The following ARHGEF10 variants were observed in gnomAD, a reference collection of about 807,000 sequenced individuals.
The protein encoded by ARHGEF10 is Rho guanine nucleotide exchange factor (GEF) 10.
A neutral mutation model predicts 147.4 loss-of-function variants in ARHGEF10; 140 were observed. The observed-to-expected ratio is 0.95, with a 90% CI of 0.83 to 1.09. ARHGEF10 has a LOEUF of 1.09. ARHGEF10 is among the 50% of genes least tolerant of loss of function. The probability of loss-of-function intolerance (pLI) is 0.00; values close to 1 mark genes in which losing one functional copy is unlikely to be tolerated. For missense variants in ARHGEF10, 2,222 were observed against 1,752.7 expected (o/e 1.27, Z -4.78); for synonymous variants, 902 against 695.8 (o/e 1.30, Z -4.67).
At chr8:1,924,117 C>G (rs753462816) in intron 21 of ARHGEF10, among the ~76,000 whole-genome samples, 1 of 152,224 alleles carries the variant, frequency 6.6e-6, no homozygotes, top group Admixed American at 6.5e-5. Flanking sequence ...GGTACCAGAA[C>G]ATGAATATCA....
rs796297716 is a variant in ARHGEF10, at chr8:1,858,195, ACCAGGTGAGTTC to A, written c.193+91_193+102del. 917 of 1,030,840 alleles carry A rather than the reference ACCAGGTGAGTTC, an allele frequency of 8.9e-4. 7 individuals carry two copies. Among genetic ancestry groups the A allele is most frequent in the African/African-American group, 2.9e-3 (103 of 36,022 alleles). 63.9% of individuals were successfully genotyped at this position (1,030,840 alleles called of 1,614,324 possible). On this transcript the variant is annotated intron_variant, in intron 3 of 28. Transcript: ENST00000349830. Reference sequence around the variant, plus strand: ...CCCCAGGTGGGTCCCCATGTGAGTCACCAGGTGAGTTCCCAGGTGAGTCCCCAGGTGAGTCCC... The same window carrying A: ...CCCCAGGTGGGTCCCCATGTGAGTCACCAGGTGAGTCCCCAGGTGAGTCCC...
chr8:1,853,383 C>G (rs756263704), intron 2 of ARHGEF10, among the ~76,000 whole-genome samples: 2 of 152,254 alleles, frequency 1.3e-5, no homozygotes, highest in Non-Finnish European at 2.9e-5. Flanking sequence ...GACGGCTACA[C>G]TGCAGATTCC....
chr8:1,933,678 C>A, intron 25 of ARHGEF10, 122 bp from the exon 26 acceptor site: 2 of 1,286,890 alleles, frequency 1.6e-6, no homozygotes, highest in Non-Finnish European at 2.2e-6. Flanking sequence ...GGATCAGGCA[C>A]AAGCATTAAC....
At chr8:1,930,059 T>C (rs1284993846) in intron 25 of ARHGEF10, among the ~76,000 whole-genome samples, 4 of 152,164 alleles carry the variant, frequency 2.6e-5, no homozygotes, top group Non-Finnish European at 4.4e-5. Flanking sequence ...CCGCCGCTGC[T>C]TGTGGGAGCT....
intron 11 of ARHGEF10, among the ~76,000 whole-genome samples, chr8:1,892,968 G>T (rs1809668343): frequency 6.6e-6 from 1 of 151,716 alleles, no homozygotes; most frequent in South Asian, 2.1e-4. Context: ...AATAACGTCA[G>T]GTTTTGATTG....
rs1291153185 is a variant in ARHGEF10 at position 1,893,664 on chromosome 8, T to C, written c.1260+18T>C. ...TTTTGGAGGTACTTAAGTGTCGTGT[T>C]ACATAATACATACATTTCTATTATT... On this transcript the variant is annotated intron_variant, in intron 12 of 28. Transcript: ENST00000349830. 8 of 1,482,754 alleles carry C rather than the reference T, an allele frequency of 5.4e-6. No homozygotes were observed. In the South Asian group the frequency reaches 7.9e-5, roughly 15 times the overall value. The allele number at this position is 1,482,754 out of a possible 1,614,324, so 91.8% of individuals were successfully genotyped here.
intron 1 of ARHGEF10, among the ~76,000 whole-genome samples, chr8:1,838,899 G>A (rs1470349362): frequency 2.0e-5 from 3 of 151,508 alleles, no homozygotes; most frequent in Admixed American, 1.3e-4. Context: ...AGTGGAAGGT[G>A]TTTGATGTGG....
intron 13 of ARHGEF10, among the ~76,000 whole-genome samples, chr8:1,895,414 A>G (rs1809889531): frequency 6.6e-6 from 1 of 152,208 alleles, no homozygotes; most frequent in Non-Finnish European, 1.5e-5. Flanking sequence ...AATACGTGAA[A>G]TGTTTTCCTA....
intron 17 of ARHGEF10, 127 bp from the exon 18 acceptor site, chr8:1,909,168 T>C (rs1241064176): frequency 3.7e-6 from 5 of 1,339,746 alleles, no homozygotes; most frequent in Non-Finnish European, 5.3e-6. Context: ...CAATTACTAT[T>C]GTGAGAAAGT....
chr8:1,894,171 CAA>C (rs536453124), intron 12 of ARHGEF10, among the ~76,000 whole-genome samples: 7 of 135,490 alleles, frequency 5.2e-5, no homozygotes, highest in Admixed American at 7.4e-5. Context: ...GAGACTGTCT[CAA>C]AAAAAAAAAA....
At chr8:1,929,933 A>G (rs1231198386) in intron 25 of ARHGEF10, among the ~76,000 whole-genome samples, 1 of 152,178 alleles carries the variant, frequency 6.6e-6, no homozygotes, top group East Asian at 1.9e-4. Flanking sequence ...TCCCTGGCCC[A>G]TCCCGCCTGG....
intron 18 of ARHGEF10, among the ~76,000 whole-genome samples, chr8:1,920,091 T>TGTGGGTGATGGAGCTGTTCC (rs1812158008): frequency 6.7e-6 from 1 of 149,362 alleles, no homozygotes. Context: ...GGAGCTGTTC[T>TGTGGGTGATGGAGCTGTTCC]GTGGGTGATG....
In ARHGEF10 at chr8:1,880,122, C is replaced by A; in HGVS notation, c.918C>A (p.Gly306=). 1 of 1,614,060 alleles carries A rather than the reference C, an allele frequency of 6.2e-7. No individual in the cohort carries two copies. Among genetic ancestry groups the A allele is most frequent in the Non-Finnish European group, 8.5e-7 (1 of 1,179,956 alleles). Reference sequence around the variant, plus strand: ...GAGATTTGATGGCAAGCACGGTGGGCGTGGTGGAGATTCAGCAGCTCAGGC... The same window carrying A: ...GAGATTTGATGGCAAGCACGGTGGGAGTGGTGGAGATTCAGCAGCTCAGGC... ...KMRDLMASTV[G]VVEIQQLRQK... is the part of the protein sequence containing the mutation. Residue 306 remains glycine, a synonymous_variant, in exon 9 of 29, where the codon GGC becomes GGA. Transcript: ENST00000349830.
At chr8:1,883,813 A>G (rs1192660199) in intron 10 of ARHGEF10, among the ~76,000 whole-genome samples, 1 of 152,168 alleles carries the variant, frequency 6.6e-6, no homozygotes, top group Non-Finnish European at 1.5e-5. Context: ...AGCTCTGTCC[A>G]GTGAGGAGTT....
At chr8:1,917,655 A>G (rs1263035604) in intron 18 of ARHGEF10, among the ~76,000 whole-genome samples, 1 of 152,258 alleles carries the variant, frequency 6.6e-6, no homozygotes, top group African/African-American at 2.4e-5. Context: ...ATTGTGTGTC[A>G]CTGCAGCGAC....
intron 18 of ARHGEF10, among the ~76,000 whole-genome samples, chr8:1,920,970 G>C (rs949355419): frequency 7.2e-5 from 11 of 152,080 alleles, no homozygotes; most frequent in African/African-American, 2.4e-4. Context: ...ATTTTTAGTA[G>C]AGACGGGGTT....
At chr8:1,859,747 C>T (rs185542396) in intron 3 of ARHGEF10, 150 bp from the exon 4 acceptor site, 39 of 929,062 alleles carry the variant, frequency 4.2e-5, no homozygotes, top group African/African-American at 2.6e-4. Flanking sequence ...GTGCTCCCTC[C>T]GAGGCCACCT....
At chr8:1,944,448 C>T (rs1015139609) in intron 26 of ARHGEF10, among the ~76,000 whole-genome samples, 2 of 152,240 alleles carry the variant, frequency 1.3e-5, no homozygotes, top group Non-Finnish European at 2.9e-5. Context: ...CCCTGAATTC[C>T]TGCCCGCCGG....
intron 7 of ARHGEF10, among the ~76,000 whole-genome samples, chr8:1,875,491 C>G (rs1347174914): frequency 6.6e-6 from 1 of 152,176 alleles, no homozygotes; most frequent in Admixed American, 6.5e-5. Flanking sequence ...ACCCATTCAT[C>G]CGCTGAGCTG....
Sources: gnomAD v4.1 joint callset for allele counts (sites outside exome capture counted in the v4.1 genomes callset) on GRCh38, gnomAD v4.1.1 for gene constraint, MANE v1.5 for transcripts, NCBI Gene and HGNC (gene_info 2026-07-23, HGNC 2026-07-21) for gene names.